The following SPSB4 variants were observed in gnomAD, a reference collection of about 807,000 sequenced individuals.
The protein encoded by SPSB4 is SPRY domain-containing SOCS box protein 4.
SPSB4 carries 21 observed loss-of-function variants against 20.9 expected under a neutral mutation model. The observed-to-expected ratio is 1.01, with a 90% CI of 0.71 to 1.45. SPSB4 has a LOEUF of 1.45. Among genes scored for constraint, SPSB4 ranks in the 40% most tolerant of loss-of-function variants. SPSB4 has a pLI of 0.00. For synonymous variants in SPSB4, 207 were observed against 183.8 expected, an observed-to-expected ratio of 1.13 and a Z score of -1.02; for missense variants, 399 against 399.2, an observed-to-expected ratio of 1.00 and a Z score of 0.00.
chr3:141,111,353 G>GA (rs1316349967), intron 2 of SPSB4, among the ~76,000 whole-genome samples: 9 of 47,602 alleles, frequency 1.9e-4, no homozygotes, highest in Non-Finnish European at 3.1e-4. Context: ...CCTGGAACTT[G>GA]CTTTTTTTTT....
chr3:141,084,331 C>T (rs34574987), intron 2 of SPSB4, among the ~76,000 whole-genome samples: 1 of 152,148 alleles, frequency 6.6e-6, no homozygotes, highest in African/African-American at 2.4e-5. Context: ...CCACACCCCT[C>T]TCCTGGCCTC....
intron 2 of SPSB4, among the ~76,000 whole-genome samples, chr3:141,142,803 C>CTTTTTTTTTTTTTTTTTTTT (rs57674247): frequency 3.2e-5 from 2 of 61,992 alleles, no homozygotes; most frequent in African/African-American, 5.1e-5. Context: ...CCCTCTTTGT[C>CTTTTTTTTTTTTTTTTTTTT]TTTTTTTTTT....
At chr3:141,097,647 A>C (rs1189777024) in intron 2 of SPSB4, among the ~76,000 whole-genome samples, 1 of 151,888 alleles carries the variant, frequency 6.6e-6, no homozygotes, top group Admixed American at 6.6e-5. Context: ...CAGAGGAGAG[A>C]GACTGGCCTC....
intron 2 of SPSB4, among the ~76,000 whole-genome samples, chr3:141,076,122 G>A (rs939347431): frequency 2.0e-5 from 3 of 152,196 alleles, no homozygotes; most frequent in Non-Finnish European, 4.4e-5. Flanking sequence ...GGTCTGTGTT[G>A]CCCTCTTTGT....
intron 2 of SPSB4, among the ~76,000 whole-genome samples, chr3:141,125,510 C>T (rs1299057063): frequency 6.6e-6 from 1 of 152,198 alleles, no homozygotes; most frequent in African/African-American, 2.4e-5. Flanking sequence ...TACCTGGACT[C>T]AGGTGTTCTC....
chr3:141,100,949 C>T (rs1394600815), intron 2 of SPSB4, among the ~76,000 whole-genome samples: 1 of 152,152 alleles, frequency 6.6e-6, no homozygotes, highest in Non-Finnish European at 1.5e-5. Context: ...GCCCCTTTTC[C>T]AGTGCCCAAG....
At chr3:141,076,997 C>T (rs1938125561) in intron 2 of SPSB4, 1 of 152,190 alleles carries the variant, frequency 6.6e-6, no homozygotes, top group Admixed American at 6.5e-5. Flanking sequence ...GAGCCAATGC[C>T]CTGCCAGGCT....
chr3:141,095,607 G>A (rs1404267990), intron 2 of SPSB4, among the ~76,000 whole-genome samples: 5 of 152,092 alleles, frequency 3.3e-5, no homozygotes, highest in Non-Finnish European at 7.4e-5. Flanking sequence ...GGATGAGGAG[G>A]GCCTGTGCCC....
At chr3:141,070,375 C>T (rs543507326) in intron 2 of SPSB4, among the ~76,000 whole-genome samples, 21 of 152,086 alleles carry the variant, frequency 1.4e-4, no homozygotes, top group Non-Finnish European at 2.2e-4. Flanking sequence ...CCCTGTCACC[C>T]AGGCTGGAGT....
chr3:141,064,895 G>A (rs1401848096), intron 1 of SPSB4, among the ~76,000 whole-genome samples: 1 of 152,210 alleles, frequency 6.6e-6, no homozygotes, highest in African/African-American at 2.4e-5. Flanking sequence ...TCTCAGGGAA[G>A]GCAGTCTGGG....
At chr3:141,076,258 G>A (rs551984269) in intron 2 of SPSB4, among the ~76,000 whole-genome samples, 27 of 152,308 alleles carry the variant, frequency 1.8e-4, no homozygotes, top group African/African-American at 6.0e-4. Context: ...CTCCCGACAA[G>A]GCAGCTATGC....
chr3:141,071,705 C>T (rs1938007705), intron 2 of SPSB4, among the ~76,000 whole-genome samples: 1 of 152,160 alleles, frequency 6.6e-6, no homozygotes, highest in African/African-American at 2.4e-5. Context: ...GAACGGGCGC[C>T]AGTGTCAGGG....
At chr3:141,139,382 TGTTA>T (rs1939284065) in intron 2 of SPSB4, among the ~76,000 whole-genome samples, 1 of 152,228 alleles carries the variant, frequency 6.6e-6, no homozygotes, top group African/African-American at 2.4e-5. Flanking sequence ...GCCATTATGA[TGTTA>T]GCTGGCTATT....
At chr3:141,137,014 A>T (rs1939240283) in intron 2 of SPSB4, among the ~76,000 whole-genome samples, 1 of 152,012 alleles carries the variant, frequency 6.6e-6, no homozygotes. Flanking sequence ...CTTTTACTTC[A>T]TTGAGCAGTG....
intron 2 of SPSB4, among the ~76,000 whole-genome samples, chr3:141,071,097 C>T (rs1388248988): frequency 6.6e-6 from 1 of 152,246 alleles, no homozygotes; most frequent in Admixed American, 6.5e-5. Context: ...TGTATAAAGG[C>T]ATCCCCAGCA....
chr3:141,086,068 C>T (rs76248437), intron 2 of SPSB4, among the ~76,000 whole-genome samples: 6,503 of 152,308 alleles, frequency 0.043, 203 homozygotes, highest in Non-Finnish European at 0.063. Context: ...AATGTAGCTG[C>T]AGCCTCATCC....
intron 2 of SPSB4, among the ~76,000 whole-genome samples, chr3:141,089,409 G>A (rs553228228): frequency 1.2e-4 from 18 of 152,326 alleles, no homozygotes; most frequent in Admixed American, 3.3e-4. Flanking sequence ...AGGAGTCAGG[G>A]AGTGAAAGGA....
chr3:141,071,519 T>C (rs953882538), intron 2 of SPSB4, among the ~76,000 whole-genome samples: 3 of 152,086 alleles, frequency 2.0e-5, no homozygotes, highest in Non-Finnish European at 2.9e-5. Flanking sequence ...CATGAGGCAA[T>C]GTGGCTGTTA....
At chr3:141,117,023 C>T (rs150745310) in intron 2 of SPSB4, 1 of 152,326 alleles carries the variant, frequency 6.6e-6, no homozygotes, top group African/African-American at 2.4e-5. Flanking sequence ...GAGCAGGACT[C>T]TGTGTGGAAT....
Sources: allele counts gnomAD v4.1 joint callset (sites outside exome capture counted in the v4.1 genomes callset), GRCh38; gene constraint gnomAD v4.1.1; transcripts MANE v1.5; gene names NCBI Gene and HGNC (gene_info 2026-07-23, HGNC 2026-07-21).